The following TEX15 variants were observed in gnomAD, a reference collection of about 807,000 sequenced individuals.
The protein encoded by TEX15 is testis-expressed protein 15.
In TEX15, 171 loss-of-function variants were observed where a neutral mutation model predicts 237.3. That is an observed-to-expected ratio of 0.72 (90% CI 0.64 to 0.82). The LOEUF (loss-of-function observed/expected upper bound fraction) is 0.82, where lower values mean the gene tolerates loss of function less well. Among genes scored for constraint, TEX15 ranks in the 40% least tolerant of loss-of-function variants. TEX15 has a pLI of 0.00. For synonymous variants in TEX15, 1,338 were observed against 1,269.8 expected, an observed-to-expected ratio of 1.05 and a Z score of -1.14; for missense variants, 3,750 against 3,646.5, an observed-to-expected ratio of 1.03 and a Z score of -0.73.
chr8:30,906,797 T>A (rs1334478214), intron 1 of TEX15, among the ~76,000 whole-genome samples: 2 of 152,160 alleles, frequency 1.3e-5, no homozygotes, highest in African/African-American at 2.4e-5. Context: ...TTTCCCATTT[T>A]ACGTATGAAA....
At chr8:30,835,198 G>A (rs1263128418) in intron 10 of TEX15, among the ~76,000 whole-genome samples, 2 of 151,980 alleles carry the variant, frequency 1.3e-5, no homozygotes, top group African/African-American at 4.8e-5. Context: ...TCTGCCTCCC[G>A]GGTTCAAGTG....
chr8:30,847,823 CTG>C lies in TEX15; in HGVS notation c.2342_2343del (p.Thr781SerfsTer6). On this transcript the variant is annotated frameshift_variant, in exon 8 of 11. Coordinates refer to ENST00000643185, the MANE Select transcript of TEX15 (RefSeq NM_001350162.2). LOFTEE classifies it high-confidence loss of function. ...GTTTCTATGTTATAAGATGAAATAA[CTG>C]TATCAATGAACATTTCTTTGGCCTG... ...IPQAKEMFID[T>X]VISSYNIETA... 1 of 1,613,856 alleles carries C rather than the reference CTG, an allele frequency of 6.2e-7. No homozygotes were observed. The highest frequency in any genetic ancestry group is 8.5e-7 in the Non-Finnish European group (1 of 1,179,938).
chr8:30,912,306 C>G (rs1039512422), intron 1 of TEX15, among the ~76,000 whole-genome samples: 2 of 138,000 alleles, frequency 1.4e-5, no homozygotes, highest in Admixed American at 1.5e-4. Flanking sequence ...CACAGGAGTC[C>G]CGAGTTGCGG....
intron 7 of TEX15, among the ~76,000 whole-genome samples, chr8:30,852,100 C>CT (rs910989172): frequency 0.051 from 4,596 of 90,254 alleles, 1,378 homozygotes; most frequent in African/African-American, 0.18. Context: ...TTAATTTAAT[C>CT]TTTTTTTTTT....
At position 30,843,330 on chromosome 8, in the gene TEX15, A is replaced by G; in HGVS notation, c.6837T>C (p.Val2279=). 1 of 1,611,790 alleles carries G rather than the reference A, an allele frequency of 6.2e-7. No individual in the cohort carries two copies. Among genetic ancestry groups the G allele is most frequent in the Non-Finnish European group, 8.5e-7 (1 of 1,179,386 alleles). Residue 2279 remains valine, a synonymous_variant, in exon 8 of 11, where the codon GTT becomes GTC. Coordinates refer to ENST00000643185, the MANE Select transcript of TEX15 (RefSeq NM_001350162.2). Reference sequence around the variant, plus strand: ...TGAAGGATTGTGTTCTCTCTTTCCAAACAAGATTTTTTGCAGCATCAAAAA... The same window carrying G: ...TGAAGGATTGTGTTCTCTCTTTCCAGACAAGATTTTTTGCAGCATCAAAAA... The part of the protein sequence containing the change: ...HIFFDAAKNL[V]WKERTQSFSK...
chr8:30,889,007 T>G (rs1334868840), intron 2 of TEX15, among the ~76,000 whole-genome samples: 1 of 152,224 alleles, frequency 6.6e-6, no homozygotes, highest in Non-Finnish European at 1.5e-5. Context: ...CCTCGCAGTT[T>G]AGTAAGGGGA....
At chr8:30,874,825 G>A (rs1051446299) in intron 4 of TEX15, 112 bp downstream of exon 4, 5 of 606,582 alleles carry the variant, frequency 8.2e-6, no homozygotes, top group African/African-American at 7.6e-5. Context: ...AATAATCTGT[G>A]TTTTCTTAGT....
chr8:30,840,013 T>C, intron 8 of TEX15, 49 bp from the exon 9 acceptor site: 1 of 1,098,786 alleles, frequency 9.1e-7, no homozygotes, highest in South Asian at 1.7e-5. Flanking sequence ...TGACAAACTA[T>C]AATAAAAATA....
In TEX15 at chr8:30,844,988, C is replaced by T; in HGVS notation, c.5179G>A (p.Asp1727Asn). The change falls in exon 8 of 11, where the codon GAT (aspartate) becomes AAT (asparagine). Residue 1727 changes from aspartate (D) to asparagine (N), a missense_variant. Transcript: ENST00000643185. Reference protein sequence around the residue: ...IPQLSAAAVTDSEGESSKSYL... With the variant: ...IPQLSAAAVTNSEGESSKSYL... Reference sequence around the variant, plus strand: ...GATTTTGAAGATTCTCCCTCACTATCTGTCACTGCAGCGGCTGATAACTGA... The same window carrying T: ...GATTTTGAAGATTCTCCCTCACTATTTGTCACTGCAGCGGCTGATAACTGA... The T allele has an allele frequency of 6.2e-7, 1 of 1,613,586 alleles. No homozygotes were observed. Among genetic ancestry groups the T allele is most frequent in the Non-Finnish European group, 8.5e-7 (1 of 1,179,562 alleles).
Position 30,874,463 on chromosome 8 carries a change from A to G in TEX15, c.302+474T>C, listed in dbSNP as rs1331421111. ...AAAACCTGGAGAAGTACTTTAAAAA[A>G]TTATGTGTGAGAAATGGCATCAACA... On this transcript the variant is annotated intron_variant, in intron 4 of 10. Transcript: ENST00000643185. Among the ~76,000 whole-genome samples the G allele has an allele frequency of 2.0e-5, 3 of 152,210 alleles. No individual in the cohort carries two copies. The East Asian group carries it at 5.8e-4, about 29-fold the overall frequency.
intron 7 of TEX15, among the ~76,000 whole-genome samples, chr8:30,857,501 C>G (rs75149814): frequency 6.6e-6 from 1 of 152,104 alleles, no homozygotes; most frequent in Non-Finnish European, 1.5e-5. Flanking sequence ...AGAAGACACT[C>G]GCAACACATA....
At chr8:30,833,514 C>T (rs1298203773) in intron 10 of TEX15, among the ~76,000 whole-genome samples, 191 bp from the exon 11 acceptor site, 2 of 152,166 alleles carry the variant, frequency 1.3e-5, no homozygotes, top group Admixed American at 1.3e-4. Flanking sequence ...GTTTCCTCAT[C>T]TGTAAAAGAA....
intron 7 of TEX15, among the ~76,000 whole-genome samples, chr8:30,853,284 A>G (rs528156242): frequency 2.0e-5 from 3 of 152,354 alleles, no homozygotes; most frequent in African/African-American, 7.2e-5. Context: ...TAAAACAAGT[A>G]GGTAAAATCG....
chr8:30,858,725 T>C lies in TEX15; in HGVS notation c.793A>G (p.Asn265Asp), dbSNP rs965297400. The change falls in exon 7 of 11, where the codon AAT becomes GAT. Residue 265 changes from asparagine to aspartate, a missense_variant. Transcript: ENST00000643185. ...TVKFLGSKVD[N>D]GRLMTSLRFL... ...CTCAAAGATGTCATAAGGCGTCCAT[T>C]ATCTACTTTTGAACCAAGAAATTTT... 78 of 1,535,778 alleles carry C rather than the reference T, an allele frequency of 5.1e-5. No homozygotes were observed. Among genetic ancestry groups the C allele is most frequent in the Non-Finnish European group, 6.7e-5 (77 of 1,146,772 alleles).
chr8:30,864,469 T>C (rs1808114788), intron 5 of TEX15, among the ~76,000 whole-genome samples: 1 of 149,586 alleles, frequency 6.7e-6, no homozygotes, highest in South Asian at 2.1e-4. Flanking sequence ...AAAAAATAGG[T>C]AGGAGGATCG....
rs996880415 is a variant in TEX15 at position 30,844,365 on chromosome 8, C to T, written c.5802G>A (p.Ser1934=). The change falls in exon 8 of 11, where the codon TCG becomes TCA. Residue 1934 remains serine (S), a synonymous_variant. Transcript: ENST00000643185. Reference sequence around the variant, plus strand: ...CTGAATGTAATGTCAAGTCAGACTGCGAGTCTTTACTAACTTTAATTTCCC... The same window carrying T: ...CTGAATGTAATGTCAAGTCAGACTGTGAGTCTTTACTAACTTTAATTTCCC... ...KKGEIKVSKD[S]QSDLTLHSEI... 11 of 1,610,082 alleles carry T rather than the reference C, an allele frequency of 6.8e-6. No individual in the cohort carries two copies. The highest frequency in any genetic ancestry group is 1.7e-5 in the Admixed American group (1 of 59,412).
intron 7 of TEX15, among the ~76,000 whole-genome samples, chr8:30,852,040 T>C (rs1227144811): frequency 1.3e-5 from 2 of 150,176 alleles, no homozygotes; most frequent in East Asian, 2.0e-4. Context: ...CAAAAACTTA[T>C]AAAATACTTA....
chr8:30,887,844 A>G (rs1056067115), intron 2 of TEX15: 1 of 147,338 alleles, frequency 6.8e-6, no homozygotes, highest in African/African-American at 2.5e-5. Flanking sequence ...TTATACATAC[A>G]TTTCACATAT....
At position 30,837,959 on chromosome 8, in the gene TEX15, T is replaced by C; in HGVS notation, c.8325A>G (p.Arg2775=). ...AGGGTAAAAGTGAGCCAGGTAGTGA[T>C]CTTTGCATTTCAACCTTTTTTGGCG... ...HLTPKKVEMQ[R]SLPGSLLPLE... is the part of the protein sequence containing the mutation. The change falls in exon 10 of 11, where the codon AGA becomes AGG. Residue 2775 remains arginine (R), a synonymous_variant. Coordinates refer to ENST00000643185, the MANE Select transcript of TEX15 (RefSeq NM_001350162.2). 4.3e-6 allele frequency: 7 copies of C among 1,614,142 alleles called. No homozygotes were observed. Among genetic ancestry groups the C allele is most frequent in the African/African-American group, 1.3e-5 (1 of 75,058 alleles).
Sources: gnomAD v4.1 joint callset for allele counts (sites outside exome capture counted in the v4.1 genomes callset) on GRCh38, gnomAD v4.1.1 for gene constraint, MANE v1.5 for transcripts, NCBI Gene and HGNC (gene_info 2026-07-23, HGNC 2026-07-21) for gene names.